The following FAT3 variants were observed in gnomAD, a reference collection of about 807,000 sequenced individuals.
FAT3 encodes the protein protocadherin Fat 3.
FAT3 carries 95 observed loss-of-function variants against 310.2 expected under a neutral mutation model. The ratio of observed to expected loss-of-function variants is 0.31; its 90% CI spans 0.26 to 0.36. The LOEUF (loss-of-function observed/expected upper bound fraction) is 0.36. Ranked by LOEUF, FAT3 falls within the 10% of genes least tolerant of loss-of-function variation. The pLI, the probability that FAT3 is intolerant of heterozygous loss-of-function variation, is 1.00. For synonymous variants in FAT3, 2,314 were observed against 2,192.9 expected, an observed-to-expected ratio of 1.06 and a Z score of -1.54; for missense variants, 5,408 against 5,715.6, an observed-to-expected ratio of 0.95 and a Z score of 1.74.
chr11:92,440,094 T>A (rs1951033569), intron 2 of FAT3, among the ~76,000 whole-genome samples: 1 of 151,978 alleles, frequency 6.6e-6, no homozygotes, highest in Non-Finnish European at 1.5e-5. Context: ...AGGAGGTGGA[T>A]CTGAGTGAGA....
At chr11:92,277,258 T>G (rs951628704) in intron 1 of FAT3, among the ~76,000 whole-genome samples, 1 of 152,156 alleles carries the variant, frequency 6.6e-6, no homozygotes, top group African/African-American at 2.4e-5. Flanking sequence ...TTTTTAAGTA[T>G]TCCTAAGTTA....
intron 22 of FAT3, among the ~76,000 whole-genome samples, chr11:92,868,238 A>G (rs1452665391): frequency 6.6e-6 from 1 of 152,232 alleles, no homozygotes; most frequent in Non-Finnish European, 1.5e-5. Flanking sequence ...TTTAGAGTCC[A>G]TTTTATTATT....
intron 21 of FAT3, 29 bp from the exon 22 acceptor site, chr11:92,866,712 A>G (rs1250550378): frequency 1.9e-6 from 3 of 1,582,808 alleles, no homozygotes; most frequent in South Asian, 1.1e-5. Flanking sequence ...GCATGTTGAA[A>G]AGTGCTGCAC....
At chr11:92,446,664 A>G (rs914753615) in intron 2 of FAT3, among the ~76,000 whole-genome samples, 2 of 152,190 alleles carry the variant, frequency 1.3e-5, no homozygotes, top group Non-Finnish European at 2.9e-5. Flanking sequence ...TCTTGAATAT[A>G]AGGAGATTCT....
chr11:92,654,258 G>C (rs1006980639), intron 3 of FAT3, among the ~76,000 whole-genome samples: 10 of 152,118 alleles, frequency 6.6e-5, no homozygotes, highest in Non-Finnish European at 8.8e-5. Context: ...GCCAGAATGG[G>C]TACAGTTTGG....
At chr11:92,347,300 C>T (rs1454630126) in intron 1 of FAT3, among the ~76,000 whole-genome samples, 2 of 152,134 alleles carry the variant, frequency 1.3e-5, no homozygotes, top group African/African-American at 4.8e-5. Context: ...CTCAAGGACT[C>T]CTGTCAAGGG....
At chr11:92,782,291 A>G (rs1015509070) in intron 7 of FAT3, among the ~76,000 whole-genome samples, 1 of 152,094 alleles carries the variant, frequency 6.6e-6, no homozygotes, top group African/African-American at 2.4e-5. Context: ...ATGCCCTGAG[A>G]CCCTGTCTCT....
In FAT3 at chr11:92,888,016, G is replaced by A. The variant is rs546191683; in HGVS notation, c.13051+903G>A. On this transcript the variant is annotated intron_variant, in intron 25 of 27. Coordinates refer to ENST00000525166, the MANE Select transcript of FAT3 (RefSeq NM_001367949.2). ...TCTATAAATCCTTGCTGAATTTTTT[G>A]CATGTGCTGAGTCCTTTTCCCAGAG... 3.9e-5 allele frequency among the ~76,000 whole-genome samples: 6 copies of A among 152,222 alleles called. No individual in the cohort carries two copies. The East Asian group carries it at 1.2e-3, about 29-fold the overall frequency.
At chr11:92,559,283 T>C (rs1018543132) in intron 3 of FAT3, 1 of 171,418 alleles carries the variant, frequency 5.8e-6, no homozygotes, top group Non-Finnish European at 1.3e-5. Flanking sequence ...AAAAGAACCT[T>C]ATACCCTTTA....
intron 1 of FAT3, among the ~76,000 whole-genome samples, chr11:92,265,324 G>T (rs768190686): frequency 6.6e-6 from 1 of 151,878 alleles, no homozygotes; most frequent in Non-Finnish European, 1.5e-5. Flanking sequence ...CTGCCGTATG[G>T]TTTTTCTTCT....
At chr11:92,314,436 A>C (rs1947383226) in intron 1 of FAT3, 1 of 256,720 alleles carries the variant, frequency 3.9e-6, no homozygotes, top group African/African-American at 2.3e-5. Context: ...AGAGAATTTT[A>C]ATCTCCCGAA....
At chr11:92,678,238 C>T (rs546904840) in intron 3 of FAT3, among the ~76,000 whole-genome samples, 21 of 152,222 alleles carry the variant, frequency 1.4e-4, no homozygotes, top group African/African-American at 3.6e-4. Context: ...TACAAAGTTA[C>T]ACCCTTTGCA....
At chr11:92,839,385 T>C (rs1163573889) in intron 17 of FAT3, among the ~76,000 whole-genome samples, 1 of 152,138 alleles carries the variant, frequency 6.6e-6, no homozygotes, top group African/African-American at 2.4e-5. Flanking sequence ...AAATAGTAAA[T>C]ATATGTGGGG....
intron 1 of FAT3, among the ~76,000 whole-genome samples, chr11:92,332,439 A>G (rs1179522939): frequency 4.6e-5 from 7 of 152,188 alleles, no homozygotes; most frequent in African/African-American, 2.4e-5. Flanking sequence ...TAAGCCAAAT[A>G]CCTTAATTAA....
In FAT3 at chr11:92,891,581, GA is replaced by G. The variant is rs1438593986; in HGVS notation, c.*469del. On this transcript the variant is annotated 3_prime_UTR_variant, in exon 28 of 28. Transcript: ENST00000525166. ...GGAAAAGTTAGTCTCTTAGGCGAAA[GA>G]GAAGAGAAACAAATATTATTAAACA... The G allele has an allele frequency of 1.2e-5, 2 of 165,408 alleles. No individual in the cohort carries two copies. Among genetic ancestry groups the G allele is most frequent in the Admixed American group, 1.1e-4 (2 of 18,148 alleles). 10.2% of individuals were successfully genotyped at this position (165,408 alleles called of 1,614,324 possible). A position where few individuals can be genotyped will look rare whatever the true frequency, so the allele number is the denominator to read the frequency against.
At chr11:92,537,171 G>C (rs1033262899) in intron 3 of FAT3, among the ~76,000 whole-genome samples, 3 of 152,096 alleles carry the variant, frequency 2.0e-5, no homozygotes, top group African/African-American at 4.8e-5. Context: ...AGCTGGTTTT[G>C]CGAAATGACA....
chr11:92,861,215 G>A (rs1949113493), intron 21 of FAT3, among the ~76,000 whole-genome samples: 1 of 152,148 alleles, frequency 6.6e-6, no homozygotes, highest in African/African-American at 2.4e-5. Context: ...GCTCTACGTG[G>A]GCCTCACTGA....
chr11:92,533,320 C>T (rs1488466985), intron 3 of FAT3, among the ~76,000 whole-genome samples: 2 of 152,144 alleles, frequency 1.3e-5, no homozygotes, highest in African/African-American at 4.8e-5. Context: ...CTACACATAG[C>T]CCCTGAGCCA....
At chr11:92,820,006 C>T (rs1196879967) in intron 13 of FAT3, among the ~76,000 whole-genome samples, 1 of 152,112 alleles carries the variant, frequency 6.6e-6, no homozygotes, top group East Asian at 1.9e-4. Context: ...GTGGGCTGGA[C>T]TTACTGACTC....
Sources: allele counts gnomAD v4.1 joint callset (sites outside exome capture counted in the v4.1 genomes callset), GRCh38; gene constraint gnomAD v4.1.1; transcripts MANE v1.5; gene names NCBI Gene and HGNC (gene_info 2026-07-23, HGNC 2026-07-21).